NEGR1: variants seen among roughly 807,000 people sequenced by gnomAD.
NEGR1 encodes neuronal growth regulator 1, also known as IgLON family member 4.
In NEGR1, 10 loss-of-function variants were observed where a neutral mutation model predicts 40.9. The ratio of observed to expected loss-of-function variants is 0.24; its 90% confidence interval spans 0.15 to 0.42. The LOEUF (loss-of-function observed/expected upper bound fraction) is 0.42. Ranked by LOEUF, NEGR1 falls within the 10% of genes least tolerant of loss-of-function variation. NEGR1 has a pLI of 1.00. For synonymous variants in NEGR1, 185 were observed against 166.8 expected, an observed-to-expected ratio of 1.11 and a Z score of -0.84; for missense variants, 352 against 438.9, an observed-to-expected ratio of 0.80 and a Z score of 1.77.
chr1:71,588,812 A>G (rs1649399286), intron 6 of NEGR1, among the ~76,000 whole-genome samples: 2 of 152,128 alleles, frequency 1.3e-5, no homozygotes, highest in Admixed American at 1.3e-4. Context: ...AACAGAAAAC[A>G]TTGCAAGTTC....
intron 2 of NEGR1, among the ~76,000 whole-genome samples, chr1:71,876,464 C>T (rs1031826612): frequency 6.6e-6 from 1 of 151,592 alleles, no homozygotes; most frequent in African/African-American, 2.4e-5. Context: ...CATGATGAAG[C>T]CACCACACTC....
At chr1:72,278,183 A>G (rs1656122586) in intron 1 of NEGR1, among the ~76,000 whole-genome samples, 1 of 152,148 alleles carries the variant, frequency 6.6e-6, no homozygotes, top group Non-Finnish European at 1.5e-5. Context: ...AATCTATTGC[A>G]TTAAAATGAC....
At chr1:71,471,125 A>T (rs895263021) in intron 6 of NEGR1, among the ~76,000 whole-genome samples, 3 of 152,126 alleles carry the variant, frequency 2.0e-5, no homozygotes, top group South Asian at 4.1e-4. Flanking sequence ...AGCTATATTA[A>T]TGTGATATTA....
chr1:72,245,385 G>T (rs948076798), intron 1 of NEGR1, among the ~76,000 whole-genome samples: 12 of 152,072 alleles, frequency 7.9e-5, no homozygotes, highest in Non-Finnish European at 1.3e-4. Flanking sequence ...TATTGAAGTA[G>T]TCTAAGTACC....
intron 2 of NEGR1, among the ~76,000 whole-genome samples, chr1:71,783,092 A>G (rs1267902141): frequency 6.6e-6 from 1 of 152,028 alleles, no homozygotes; most frequent in Non-Finnish European, 1.5e-5. Context: ...TTTTTCCTCC[A>G]AAGACTTGGA....
rs987198968 is a variant in NEGR1, at chr1:71,983,696, G to A, written c.177-48385C>T. 2.6e-5 allele frequency among the ~76,000 whole-genome samples: 4 copies of A among 152,112 alleles called. No individual in the cohort carries two copies. In the South Asian group the frequency reaches 6.2e-4, roughly 24 times the overall value. The stretch of plus-strand genomic sequence containing the variant: ...AATGAAAGATGTATAAAGAACAAAT[G>A]TCTGTGAGTCTCACAAATAGAGATT... On this transcript the variant is annotated intron_variant, in intron 1 of 6. Coordinates refer to ENST00000357731, the MANE Select transcript of NEGR1 (RefSeq NM_173808.3).
intron 1 of NEGR1, among the ~76,000 whole-genome samples, chr1:72,109,166 G>A (rs1175131135): frequency 2.0e-5 from 3 of 151,464 alleles, no homozygotes; most frequent in Admixed American, 6.6e-5. Context: ...AGCAAGCCTA[G>A]AATATCAAGC....
intron 1 of NEGR1, among the ~76,000 whole-genome samples, chr1:72,148,753 C>T (rs1651007863): frequency 6.6e-6 from 1 of 152,152 alleles, no homozygotes; most frequent in African/African-American, 2.4e-5. Context: ...TTTGATAAAA[C>T]ATAACAACAA....
intron 1 of NEGR1, among the ~76,000 whole-genome samples, chr1:72,220,915 T>TA (rs386367308): frequency 5.1e-3 from 5 of 982 alleles, no homozygotes; most frequent in Non-Finnish European, 9.5e-3. Context: ...CTACCTAAAG[T>TA]TTTTTTTTTT....
At chr1:71,651,315 G>A (rs1651709839) in intron 4 of NEGR1, among the ~76,000 whole-genome samples, 1 of 152,046 alleles carries the variant, frequency 6.6e-6, no homozygotes, top group Non-Finnish European at 1.5e-5. Flanking sequence ...TCAATTCCAG[G>A]ATCAGAATGT....
intron 4 of NEGR1, among the ~76,000 whole-genome samples, chr1:71,620,830 A>G (rs937101585): frequency 1.3e-5 from 2 of 151,956 alleles, no homozygotes; most frequent in African/African-American, 4.8e-5. Context: ...GCAGTAAAAA[A>G]GCACTGCTTT....
intron 6 of NEGR1, among the ~76,000 whole-genome samples, chr1:71,558,053 GC>G (rs1381669024): frequency 4.0e-5 from 6 of 151,476 alleles, no homozygotes; most frequent in African/African-American, 1.5e-4. Context: ...GAGCTGATGT[GC>G]CCTTCTTTAT....
In NEGR1 at chr1:71,400,142, T is replaced by C. The variant is rs1421556724; in HGVS notation, c.*7304A>G. 5 of 152,220 alleles carry C rather than the reference T, an allele frequency of 3.3e-5. No individual in the cohort carries two copies. In the South Asian group the frequency reaches 1.0e-3, roughly 32 times the overall value. The allele number at this position is 152,220 out of a possible 1,614,324, so 9.4% of individuals were successfully genotyped here. A position where few individuals can be genotyped will look rare whatever the true frequency, so the allele number is the denominator to read the frequency against. On this transcript the variant is annotated 3_prime_UTR_variant, in exon 7 of 7. Transcript: ENST00000357731. The stretch of plus-strand genomic sequence containing the variant: ...CCACCAAGGAATAGCCCAGTGCTTT[T>C]AGCAATCCATTTGAAATGAAGGAGG...
At chr1:72,009,733 T>C (rs115673367) in intron 1 of NEGR1, among the ~76,000 whole-genome samples, 1 of 152,104 alleles carries the variant, frequency 6.6e-6, no homozygotes, top group African/African-American at 2.4e-5. Context: ...TATTATACAC[T>C]GATCTATTCA....
intron 6 of NEGR1, among the ~76,000 whole-genome samples, chr1:71,584,574 C>T (rs575039999): frequency 1.3e-5 from 2 of 152,206 alleles, no homozygotes; most frequent in Non-Finnish European, 2.9e-5. Context: ...AGCACAGAAG[C>T]GAAGATGATA....
At chr1:71,443,993 T>G (rs1646564685) in intron 6 of NEGR1, among the ~76,000 whole-genome samples, 2 of 152,250 alleles carry the variant, frequency 1.3e-5, no homozygotes, top group Non-Finnish European at 2.9e-5. Flanking sequence ...TTGATTTATA[T>G]GATTCTTTAG....
intron 1 of NEGR1, among the ~76,000 whole-genome samples, chr1:72,061,920 G>C (rs1246695750): frequency 6.6e-6 from 1 of 151,678 alleles, no homozygotes; most frequent in Non-Finnish European, 1.5e-5. Context: ...CTCCCTGCCT[G>C]CAGTCTCCAC....
chr1:72,138,730 C>T (rs1043259018), intron 1 of NEGR1, among the ~76,000 whole-genome samples: 3 of 151,936 alleles, frequency 2.0e-5, no homozygotes, highest in Non-Finnish European at 4.4e-5. Context: ...GAAGCAAAAA[C>T]TGCTAAAACT....
Position 71,935,112 on chromosome 1 carries a change from G to T in NEGR1, c.376C>A (p.Pro126Thr). 1.2e-6 allele frequency: 2 copies of T among 1,611,650 alleles called. No individual in the cohort carries two copies. The highest frequency in any genetic ancestry group is 1.7e-6 in the Non-Finnish European group (2 of 1,177,820). The change falls in exon 2 of 7, where the codon CCC (proline) becomes ACC (threonine). Residue 126 changes from proline to threonine, a missense_variant. This residue lies in a region of NEGR1 where 50 missense variants were observed against 53.0 expected (regional missense o/e 0.94). Transcript: ENST00000357731. ...YTCSVQTQHT[P>T]RTMQVHLTVQ... is the part of the protein sequence containing the mutation. ...GTTAGATGCACCTGCATTGTTCTGG[G>T]TGTATGTTGAGTCTGAACAGAACAC...
Sources: allele counts gnomAD v4.1 joint callset (sites outside exome capture counted in the v4.1 genomes callset), GRCh38; gene constraint gnomAD v4.1.1; regional missense constraint gnomAD v4.1.1; transcripts MANE v1.5; gene names NCBI Gene and HGNC (gene_info 2026-07-23, HGNC 2026-07-21).